The following ATRN variants were observed in gnomAD, a reference collection of about 807,000 sequenced individuals.
The protein encoded by ATRN is attractin-2.
Under a neutral mutation model 178.7 loss-of-function variants are expected in ATRN, and 54 were observed. That is an observed-to-expected ratio of 0.30 (90% CI 0.24 to 0.38). ATRN has a LOEUF of 0.38. Ranked by LOEUF, ATRN falls within the 10% of genes least tolerant of loss-of-function variation. The pLI, the probability that ATRN is intolerant of heterozygous loss-of-function variation, is 1.00. For synonymous variants in ATRN, 636 were observed against 663.0 expected (o/e 0.96, Z 0.63); for missense variants, 1,443 against 1,815.1 (o/e 0.79, Z 3.73).
intron 2 of ATRN, among the ~76,000 whole-genome samples, chr20:3,539,039 C>T (rs2085581622): frequency 6.6e-6 from 1 of 152,248 alleles, no homozygotes; most frequent in Non-Finnish European, 1.5e-5. Context: ...TGCACTGCCA[C>T]ATCACCTTCT....
intron 1 of ATRN, among the ~76,000 whole-genome samples, chr20:3,513,587 T>C (rs1319609592): frequency 2.0e-5 from 3 of 152,252 alleles, no homozygotes; most frequent in African/African-American, 7.2e-5. Context: ...GACTTGGCGA[T>C]GTGGGCTCTT....
At chr20:3,552,113 A>AT (rs931875178) in intron 6 of ATRN, among the ~76,000 whole-genome samples, 5 of 150,760 alleles carry the variant, frequency 3.3e-5, no homozygotes, top group African/African-American at 1.2e-4. Context: ...TCCCCTTGAT[A>AT]TTTTTTTTAA....
At chr20:3,475,730 A>T (rs1418551574) in intron 1 of ATRN, among the ~76,000 whole-genome samples, 1 of 152,232 alleles carries the variant, frequency 6.6e-6, no homozygotes, top group African/African-American at 2.4e-5. Flanking sequence ...GTTTGGGAGA[A>T]TTGAATAGAA....
chr20:3,577,887 C>T (rs1441356904), intron 14 of ATRN, among the ~76,000 whole-genome samples: 1 of 152,182 alleles, frequency 6.6e-6, no homozygotes, highest in African/African-American at 2.4e-5. Flanking sequence ...GTGACTGTTA[C>T]TGTTAATGAA....
chr20:3,639,108 T>C (rs1443676649), intron 27 of ATRN, among the ~76,000 whole-genome samples, 173 bp downstream of exon 27: 2 of 152,252 alleles, frequency 1.3e-5, no homozygotes, highest in Admixed American at 6.5e-5. Context: ...GCTTTTGTTT[T>C]TCAATCTTTG....
At position 3,650,217 on chromosome 20, in the gene ATRN, G is replaced by GT. The variant is rs1368026012; in HGVS notation, c.*3371dup. On this transcript the variant is annotated 3_prime_UTR_variant, in exon 29 of 29. Coordinates refer to ENST00000262919, the MANE Select transcript of ATRN (RefSeq NM_139321.3). ...TCCTGCTCCTTTGATTTAATGGGGTGTACTGGGGCCAGGGGCTGATTCACT... is the reference window on the plus strand; with the variant it reads ...TCCTGCTCCTTTGATTTAATGGGGTGTTACTGGGGCCAGGGGCTGATTCACT... The GT allele has an allele frequency of 1.3e-5, 2 of 152,676 alleles. No homozygotes were observed. The highest frequency in any genetic ancestry group is 2.9e-5 in the Non-Finnish European group (2 of 68,054). The allele number at this position is 152,676 out of a possible 1,614,324, so 9.5% of individuals were successfully genotyped here. A position where few individuals can be genotyped will look rare whatever the true frequency, so the allele number is the denominator to read the frequency against.
At chr20:3,515,384 G>A (rs1019550576) in intron 1 of ATRN, among the ~76,000 whole-genome samples, 8 of 152,174 alleles carry the variant, frequency 5.3e-5, no homozygotes, top group African/African-American at 1.7e-4. Context: ...AGGTAGAGAA[G>A]CGAGGCTACT....
At chr20:3,575,997 G>C (rs1211695078) in intron 13 of ATRN, 49 bp downstream of exon 13, 1 of 1,597,746 alleles carries the variant, frequency 6.3e-7, no homozygotes, top group East Asian at 2.2e-5. Flanking sequence ...ATTTGTCATA[G>C]GTTTAGCTTT....
At chr20:3,561,057 A>T in intron 8 of ATRN, 152 bp downstream of exon 8, 1 of 1,050,884 alleles carries the variant, frequency 9.5e-7, no homozygotes, top group Middle Eastern at 3.0e-4. Flanking sequence ...GTGGTGGCCC[A>T]CTCCTGTAAT....
At chr20:3,644,442 T>A (rs2087092206) in intron 28 of ATRN, among the ~76,000 whole-genome samples, 174 bp downstream of exon 28, 1 of 152,184 alleles carries the variant, frequency 6.6e-6, no homozygotes, top group Non-Finnish European at 1.5e-5. Flanking sequence ...CCCAAAACTG[T>A]TTTCCCGAGG....
chr20:3,513,932 C>T (rs992362901), intron 1 of ATRN, among the ~76,000 whole-genome samples: 5 of 152,050 alleles, frequency 3.3e-5, no homozygotes, highest in Admixed American at 6.6e-5. Context: ...GTGATTTTTG[C>T]ACATTGATTT....
chr20:3,589,220 G>T (rs144075817), intron 18 of ATRN, among the ~76,000 whole-genome samples: 1 of 151,994 alleles, frequency 6.6e-6, no homozygotes, highest in South Asian at 2.1e-4. Flanking sequence ...GGATGGTCTC[G>T]ATCTCCTGAC....
intron 24 of ATRN, among the ~76,000 whole-genome samples, chr20:3,616,269 G>A (rs188487516): frequency 6.6e-6 from 1 of 152,256 alleles, no homozygotes; most frequent in African/African-American, 2.4e-5. Flanking sequence ...GTGATCTCCA[G>A]AGCCAGGAAC....
intron 1 of ATRN, among the ~76,000 whole-genome samples, chr20:3,500,330 C>T: frequency 6.6e-6 from 1 of 152,170 alleles, no homozygotes; most frequent in Non-Finnish European, 1.5e-5. Context: ...CATCCCATTA[C>T]TGGGTATATA....
rs1401894420 is a variant in ATRN at position 3,471,161 on chromosome 20, G to C, written c.54G>C (p.Ala18=). Residue 18 remains alanine (A), a synonymous_variant, in exon 1 of 29, where the codon GCG becomes GCC. Coordinates refer to ENST00000262919, the MANE Select transcript of ATRN (RefSeq NM_139321.3). ...TEARLRRRTA[A]TAALAGRSGG... ...CAAGGCTGAGGAGGAGGACGGCGGC[G>C]ACGGCAGCGCTCGCGGGCAGGAGCG... 2.8e-5 allele frequency: 42 copies of C among 1,506,170 alleles called. No homozygotes were observed. The East Asian group carries it at 1.0e-3, about 36-fold the overall frequency. 93.3% of individuals were successfully genotyped at this position (1,506,170 alleles called of 1,614,324 possible).
intron 24 of ATRN, among the ~76,000 whole-genome samples, chr20:3,618,885 G>A (rs2086873465): frequency 6.6e-6 from 1 of 152,176 alleles, no homozygotes; most frequent in Non-Finnish European, 1.5e-5. Flanking sequence ...GTTGTTTTAT[G>A]TCACAGCCAA....
rs573562124 is a variant in ATRN at position 3,650,884 on chromosome 20, T to C, written c.*4037T>C. 2.6e-5 allele frequency: 4 copies of C among 152,802 alleles called. No individual in the cohort carries two copies. The highest frequency in any genetic ancestry group is 2.1e-4 in the South Asian group (1 of 4,830). The allele number at this position is 152,802 out of a possible 1,614,324, so 9.5% of individuals were successfully genotyped here. A position where few individuals can be genotyped will look rare whatever the true frequency, so the allele number is the denominator to read the frequency against. ...AGCATCTATTACACTCATGTAAATA[T>C]GGAGTAAGTATTGTAAACTATTTCA... is the stretch of plus-strand genomic sequence containing the variant. On this transcript the variant is annotated 3_prime_UTR_variant, in exon 29 of 29. Transcript: ENST00000262919.
At chr20:3,550,970 T>A (rs1254036683) in intron 6 of ATRN, among the ~76,000 whole-genome samples, 1 of 152,226 alleles carries the variant, frequency 6.6e-6, no homozygotes, top group African/African-American at 2.4e-5. Flanking sequence ...TAATCTCATT[T>A]CTAAACGTTC....
intron 25 of ATRN, chr20:3,628,774 C>A: frequency 3.6e-6 from 2 of 552,978 alleles, no homozygotes; most frequent in Non-Finnish European, 4.6e-6. Context: ...TGATATCAAC[C>A]AACTGACTGC....
Sources: allele counts gnomAD v4.1 joint callset (sites outside exome capture counted in the v4.1 genomes callset), GRCh38; gene constraint gnomAD v4.1.1; transcripts MANE v1.5; gene names NCBI Gene and HGNC (gene_info 2026-07-23, HGNC 2026-07-21).